Variants in FABP12 observed in about 807,000 individuals in gnomAD.
The protein encoded by FABP12 is fatty acid-binding protein 12.
In FABP12, 19 loss-of-function variants were observed where a neutral mutation model predicts 13.7. The ratio of observed to expected loss-of-function variants is 1.39; its 90% CI spans 0.97 to 2.04. FABP12 has a LOEUF of 2.04. FABP12 is among the 30% of genes most tolerant of loss of function. The pLI is 0.00. For synonymous variants in FABP12, 61 were observed against 57.0 expected (o/e 1.07, Z -0.32); for missense variants, 182 against 164.2 (o/e 1.11, Z -0.59).
At chr8:81,562,586 G>T (rs1024784829) in intron 1 of FABP12, among the ~76,000 whole-genome samples, 2 of 152,112 alleles carry the variant, frequency 1.3e-5, no homozygotes, top group African/African-American at 2.4e-5. Context: ...ACCACAGCTT[G>T]ACTGAAGAGC....
intron 1 of FABP12, among the ~76,000 whole-genome samples, chr8:81,547,964 A>G (rs1358002505): frequency 6.6e-6 from 1 of 152,222 alleles, no homozygotes; most frequent in Non-Finnish European, 1.5e-5. Context: ...GAAAATGATC[A>G]AATATTTGAC....
intron 1 of FABP12, among the ~76,000 whole-genome samples, chr8:81,558,332 T>C (rs952903738): frequency 6.6e-6 from 1 of 152,158 alleles, no homozygotes; most frequent in African/African-American, 2.4e-5. Context: ...AGAATTCTGT[T>C]CATTCATCCT....
chr8:81,572,058 C>T (rs1306754879), intron 1 of FABP12, among the ~76,000 whole-genome samples: 2 of 151,890 alleles, frequency 1.3e-5, no homozygotes, highest in Non-Finnish European at 2.9e-5. Flanking sequence ...ACCCATCCCC[C>T]GAGCAGTATA....
intron 1 of FABP12, among the ~76,000 whole-genome samples, chr8:81,567,024 T>C (rs1809834488): frequency 6.6e-6 from 1 of 152,012 alleles, no homozygotes; most frequent in South Asian, 2.1e-4. Context: ...GCAAACAATC[T>C]GAAAAAGAAA....
chr8:81,586,842 G>C (rs934440474), intron 1 of FABP12, among the ~76,000 whole-genome samples: 2 of 152,098 alleles, frequency 1.3e-5, no homozygotes, highest in African/African-American at 4.8e-5. Context: ...ATTGCTTTTG[G>C]AGTCCTTGTC....
At chr8:81,547,501 G>A (rs2130004249) in intron 1 of FABP12, among the ~76,000 whole-genome samples, 1 of 152,218 alleles carries the variant, frequency 6.6e-6, no homozygotes, top group South Asian at 2.1e-4. Context: ...AACTATAACT[G>A]CTCTTCTTTT....
chr8:81,562,980 G>A (rs1809749690), intron 1 of FABP12, among the ~76,000 whole-genome samples: 1 of 152,240 alleles, frequency 6.6e-6, no homozygotes, highest in South Asian at 2.1e-4. Flanking sequence ...GTGAGACCCA[G>A]TGCTTTGCAA....
chr8:81,531,342 G>C, exon 2 of FABP12: 1 of 1,530,362 alleles, frequency 6.5e-7, no homozygotes, highest in Non-Finnish European at 8.9e-7. Flanking sequence ...TGATCTCAAA[G>C]AACAGTAGTT....
intron 3 of FABP12, among the ~76,000 whole-genome samples, chr8:81,528,983 T>C (rs911596617): frequency 6.6e-6 from 1 of 152,102 alleles, no homozygotes; most frequent in African/African-American, 2.4e-5. Context: ...ACGTATGTAC[T>C]ATAAGTTAGA....
upstream of FABP12, among the ~76,000 whole-genome samples, chr8:81,535,687 T>A (rs1426195039): frequency 6.6e-6 from 1 of 152,182 alleles, no homozygotes; most frequent in African/African-American, 2.4e-5. Flanking sequence ...CTTTCCTCAT[T>A]GCATATTTTC....
At chr8:81,530,651 C>T (rs1158157218) in intron 2 of FABP12, among the ~76,000 whole-genome samples, 1 of 152,170 alleles carries the variant, frequency 6.6e-6, no homozygotes, top group African/African-American at 2.4e-5. Context: ...ATCCCTGGAA[C>T]CTGTGAATGT....
At chr8:81,532,367 T>C (rs1809095623) in intron 1 of FABP12, among the ~76,000 whole-genome samples, 2 of 152,220 alleles carry the variant, frequency 1.3e-5, no homozygotes, top group Non-Finnish European at 2.9e-5. Flanking sequence ...ATTTTATAAT[T>C]CCCATTAAAA....
At chr8:81,584,388 A>T (rs1040019512) in intron 1 of FABP12, among the ~76,000 whole-genome samples, 2 of 152,140 alleles carry the variant, frequency 1.3e-5, no homozygotes, top group African/African-American at 4.8e-5. Flanking sequence ...CTCAGAAGAG[A>T]CTTCCCATTA....
At chr8:81,568,986 G>A (rs757609602) in intron 1 of FABP12, among the ~76,000 whole-genome samples, 17 of 152,012 alleles carry the variant, frequency 1.1e-4, no homozygotes, top group Non-Finnish European at 2.4e-4. Context: ...GATGGGTGGG[G>A]GAGTAGAGAT....
Position 81,533,058 on chromosome 8 carries a change from A to G in FABP12, c.-76+744T>C, listed in dbSNP as rs1437901152. On this transcript the variant is annotated intron_variant, in intron 1 of 4. Coordinates refer to ENST00000360464, the Ensembl canonical transcript of FABP12. The stretch of plus-strand genomic sequence containing the variant: ...CGGATGCACATGGATCCCCTCCCAC[A>G]AGGAAAATCACGATTGAAGATCACC... 2.0e-5 allele frequency: 3 copies of G among 152,164 alleles called. No individual in the cohort carries two copies. In the East Asian group the frequency reaches 5.8e-4, roughly 29 times the overall value. The allele number at this position is 152,164 out of a possible 1,614,324, so 9.4% of individuals were successfully genotyped here. A position where few individuals can be genotyped will look rare whatever the true frequency, so the allele number is the denominator to read the frequency against.
intron 1 of FABP12, among the ~76,000 whole-genome samples, chr8:81,570,157 G>A (rs1809900745): frequency 6.6e-6 from 1 of 152,234 alleles, no homozygotes; most frequent in Non-Finnish European, 1.5e-5. Flanking sequence ...GAATGTGGTG[G>A]TGCCCAGAAG....
rs931427232 is a variant in FABP12 at position 81,582,368 on chromosome 8, G to A, written c.-185+7685C>T. Among the ~76,000 whole-genome samples the A allele has an allele frequency of 5.3e-5, 8 of 151,800 alleles. No individual in the cohort carries two copies. The South Asian group carries it at 6.2e-4, about 12-fold the overall frequency. On this transcript the variant is annotated intron_variant, in intron 1 of 5. Coordinates refer to the FABP12 transcript ENST00000692030. ...AAACTCCTGACCTTGTGATCCTCCCGCGTTGGCCTTCCAAAGTTCTGGGAT... is the reference window on the plus strand; with the variant it reads ...AAACTCCTGACCTTGTGATCCTCCCACGTTGGCCTTCCAAAGTTCTGGGAT...
intron 1 of FABP12, among the ~76,000 whole-genome samples, chr8:81,577,700 G>A (rs970938123): frequency 2.0e-5 from 3 of 152,192 alleles, no homozygotes; most frequent in African/African-American, 7.2e-5. Context: ...GGTGGAGGTT[G>A]CAGTGAGCCG....
chr8:81,577,944 G>A (rs1315653207), intron 1 of FABP12, among the ~76,000 whole-genome samples: 1 of 152,174 alleles, frequency 6.6e-6, no homozygotes, highest in African/African-American at 2.4e-5. Context: ...ATGTTGCACT[G>A]AAGGCTAGGA....
Sources: gnomAD v4.1 joint callset for allele counts (sites outside exome capture counted in the v4.1 genomes callset) on GRCh38, gnomAD v4.1.1 for gene constraint, MANE v1.5 for transcripts, NCBI Gene and HGNC (gene_info 2026-07-23, HGNC 2026-07-21) for gene names.